KLHL26: variants seen among roughly 807,000 people sequenced by gnomAD.
KLHL26 encodes the protein kelch like family member 26, also known as kelch-like protein 26.
Under a neutral mutation model 7.1 loss-of-function variants are expected in KLHL26, and 4 were observed. The observed-to-expected ratio is 0.56, with a 90% confidence interval of 0.28 to 1.28. The LOEUF is 1.28. Among genes scored for constraint, KLHL26 ranks in the 50% most tolerant of loss-of-function variants. The pLI is 0.11. For synonymous variants in KLHL26, 465 were observed against 414.1 expected (o/e 1.12, Z -1.49); for missense variants, 896 against 924.6 (o/e 0.97, Z 0.40).
At chr19:18,665,073 T>C (rs80204164) in intron 2 of KLHL26, among the ~76,000 whole-genome samples, 2 of 151,258 alleles carry the variant, frequency 1.3e-5, no homozygotes, top group Admixed American at 6.6e-5. Flanking sequence ...TTTTTTTTTT[T>C]TGAGACAAAG....
At chr19:18,655,008 A>G (rs757445585) in intron 1 of KLHL26, among the ~76,000 whole-genome samples, 4 of 152,212 alleles carry the variant, frequency 2.6e-5, no homozygotes, top group African/African-American at 9.7e-5. Context: ...CCTTTCAGCC[A>G]TGGGGAGACA....
rs980495134 is a variant in KLHL26 at position 18,649,812 on chromosome 19, C to T, written c.83+12675C>T. Among the ~76,000 whole-genome samples, 1 of 152,212 alleles carries T rather than the reference C, an allele frequency of 6.6e-6. No individual in the cohort carries two copies. The highest frequency in any genetic ancestry group is 1.5e-5 in the Non-Finnish European group (1 of 68,042). ...TCCGGAGAGGGCCGCACAGAATTCA[C>T]AGGACTCGTCTCCAACGGCTGCGCC... On this transcript the variant is annotated intron_variant, in intron 1 of 2. Coordinates refer to ENST00000300976, the MANE Select transcript of KLHL26 (RefSeq NM_018316.3). The surrounding 1 kb of genome is among the most constrained non-coding windows in gnomAD (Gnocchi z 4.0).
At chr19:18,642,641 G>A (rs1305775672) in intron 1 of KLHL26, among the ~76,000 whole-genome samples, 2 of 152,030 alleles carry the variant, frequency 1.3e-5, no homozygotes, top group Non-Finnish European at 2.9e-5. Context: ...TGGGATTACA[G>A]GCGTGAGCCA....
rs2052467286 is a variant in KLHL26, at chr19:18,667,805, G to C, written c.408G>C (p.Val136=). 7 of 1,613,250 alleles carry C rather than the reference G, an allele frequency of 4.3e-6. No homozygotes were observed. Among genetic ancestry groups the C allele is most frequent in the African/African-American group, 1.3e-5 (1 of 74,952 alleles). ...TGGACCTGGACTGCGTGCAGGACGT[G>C]CTGGGCGCGGCCGTGTTCTTGCAGA... The part of the protein sequence containing the change: ...VTLDLDCVQD[V]LGAAVFLQML... Residue 136 remains valine, a synonymous_variant, in exon 3 of 3, where the codon GTG becomes GTC. Transcript: ENST00000300976.
chr19:18,667,957 TC>T lies in KLHL26; in HGVS notation c.561del (p.Phe187LeufsTer163). ...LASLRESVDA[F>X]TFRHFLQIAE... ...TCGCTGCGAGAGTCGGTGGATGCCT[TC>T]ACCTTCCGGCACTTCCTGCAGATCG... On this transcript the variant is annotated frameshift_variant, in exon 3 of 3. Coordinates refer to ENST00000300976, the MANE Select transcript of KLHL26 (RefSeq NM_018316.3). LOFTEE classifies it low-confidence loss of function (END_TRUNC). 1 of 1,609,450 alleles carries T rather than the reference TC, an allele frequency of 6.2e-7. No individual in the cohort carries two copies. The highest frequency in any genetic ancestry group is 8.5e-7 in the Non-Finnish European group (1 of 1,179,944).
rs2052242563 is a variant in KLHL26, at chr19:18,650,643, G to A, written c.83+13506G>A. 6.6e-6 allele frequency among the ~76,000 whole-genome samples: 1 copy of A among 152,172 alleles called. No homozygotes were observed. The highest frequency in any genetic ancestry group is 1.5e-5 in the Non-Finnish European group (1 of 68,036). On this transcript the variant is annotated intron_variant, in intron 1 of 2. Transcript: ENST00000300976. The surrounding 1 kb of genome is among the most constrained non-coding windows in gnomAD (Gnocchi z 4.2). ...GTCACTTGCACAGATGACGGGTGAT[G>A]TTTTCCTCGCCAAGGCTGATGGCAC...
chr19:18,667,722 G>C lies in KLHL26; in HGVS notation c.325G>C (p.Val109Leu), dbSNP rs763907448. ...CCAGGACGTCATCGAGCTGAAGGGC[G>C]TGTCGGCCCGTGGCCTGCGGCACAT... ...ASQDVIELKG[V>L]SARGLRHIID... Residue 109 changes from valine (V) to leucine (L), a missense_variant, in exon 3 of 3, where the codon GTG (valine) becomes CTG (leucine). By Grantham distance (32) the Val-to-Leu change is conservative (BLOSUM62 1). Coordinates refer to ENST00000300976, the MANE Select transcript of KLHL26 (RefSeq NM_018316.3). 8.1e-6 allele frequency: 13 copies of C among 1,613,140 alleles called. No homozygotes were observed. In the Admixed American group the frequency reaches 1.2e-4, roughly 14 times the overall value.
At chr19:18,664,591 T>G (rs1226199106) in intron 2 of KLHL26, 148 bp downstream of exon 2, 11 of 584,000 alleles carry the variant, frequency 1.9e-5, no homozygotes, top group Non-Finnish European at 2.8e-5. Context: ...CTGCTCTTTT[T>G]TTTTTTTTGA....
intron 1 of KLHL26, among the ~76,000 whole-genome samples, chr19:18,654,370 C>G (rs935441197): frequency 5.3e-5 from 8 of 150,828 alleles, no homozygotes; most frequent in African/African-American, 2.0e-4. Context: ...ACTCATCCAC[C>G]ATCTGCCCAC....
chr19:18,637,160 G>T, intron 1 of KLHL26, 23 bp downstream of exon 1: 2 of 1,300,406 alleles, frequency 1.5e-6, no homozygotes, highest in South Asian at 4.8e-5. Flanking sequence ...CCGCAGGATA[G>T]ACCTGCACCT....
chr19:18,668,743 G>A lies in KLHL26; in HGVS notation c.1346G>A (p.Arg449His), dbSNP rs1434350971. Residue 449 changes from arginine to histidine, a missense_variant, in exon 3 of 3, where the codon CGT becomes CAT. Arg to His is a conservative substitution (Grantham distance 29). Coordinates refer to ENST00000300976, the MANE Select transcript of KLHL26 (RefSeq NM_018316.3). ...GGCTACGCCTGCTCGCTGAAGCGCC[G>A]TACCTGGGGCCATGCTGGGGCCGCC... ...EWGYACSLKRRTWGHAGAASG... is the reference protein window; with the variant it reads ...EWGYACSLKRHTWGHAGAASG... 4 of 1,585,428 alleles carry A rather than the reference G, an allele frequency of 2.5e-6. No homozygotes were observed. The highest frequency in any genetic ancestry group is 3.4e-6 in the Non-Finnish European group (4 of 1,172,926).
intron 1 of KLHL26, among the ~76,000 whole-genome samples, chr19:18,640,905 C>T (rs1225889641): frequency 6.6e-6 from 1 of 152,150 alleles, no homozygotes; most frequent in African/African-American, 2.4e-5. Flanking sequence ...GCATCCCCAC[C>T]AGCAATGTTC....
Position 18,668,014 on chromosome 19 carries a change from TG to T in KLHL26, c.619del (p.Glu207SerfsTer143). ...AEEEDFLRLP[L>X]ERLVFFLQSN... is the part of the protein sequence containing the mutation. ...GAGGAGGATTTCCTGCGCCTGCCAC[TG>T]GAGCGCCTGGTCTTCTTCCTGCAGA... On this transcript the variant is annotated frameshift_variant, in exon 3 of 3. Coordinates refer to ENST00000300976, the MANE Select transcript of KLHL26 (RefSeq NM_018316.3). LOFTEE classifies it low-confidence loss of function (END_TRUNC). 1 of 1,608,948 alleles carries T rather than the reference TG, an allele frequency of 6.2e-7. No individual in the cohort carries two copies.
intron 1 of KLHL26, among the ~76,000 whole-genome samples, chr19:18,658,625 G>A (rs532826628): frequency 2.8e-4 from 39 of 139,404 alleles, no homozygotes; most frequent in Non-Finnish European, 5.2e-4. Flanking sequence ...CTGGGTCTCC[G>A]TCTCCCTGTC....
intron 1 of KLHL26, among the ~76,000 whole-genome samples, chr19:18,657,923 G>A (rs902784462): frequency 2.0e-5 from 3 of 152,156 alleles, no homozygotes; most frequent in Non-Finnish European, 4.4e-5. Flanking sequence ...ATGAGGTGCC[G>A]GAACCCAGCA....
intron 1 of KLHL26, among the ~76,000 whole-genome samples, chr19:18,640,021 TAAAC>T (rs761652447): frequency 2.0e-5 from 3 of 151,308 alleles, no homozygotes; most frequent in African/African-American, 7.3e-5. Flanking sequence ...GGAGTGAAAA[TAAAC>T]AAACTGTGTC....
intron 1 of KLHL26, 152 bp downstream of exon 1, chr19:18,637,289 T>G: frequency 2.4e-6 from 2 of 819,032 alleles, no homozygotes; most frequent in Non-Finnish European, 3.2e-6. Flanking sequence ...CGTGGGGTAC[T>G]GGAGGAGCCG....
chr19:18,652,687 A>G (rs908692255), intron 1 of KLHL26, among the ~76,000 whole-genome samples: 1 of 147,946 alleles, frequency 6.8e-6, no homozygotes, highest in Non-Finnish European at 1.5e-5. Flanking sequence ...CTCAAACCCC[A>G]CCTCCCTGGC....
At chr19:18,640,581 TG>T (rs1976696792) in intron 1 of KLHL26, among the ~76,000 whole-genome samples, 1 of 124,338 alleles carries the variant, frequency 8.0e-6, no homozygotes, top group African/African-American at 3.3e-5. Context: ...TTTTTTGAGA[TG>T]GAGTCTCTCT....
Sources: gnomAD v4.1 joint callset for allele counts (sites outside exome capture counted in the v4.1 genomes callset) on GRCh38, gnomAD v4.1.1 for gene constraint, Gnocchi (gnomAD v3.1) non-coding constraint, MANE v1.5 for transcripts, NCBI Gene and HGNC (gene_info 2026-07-23, HGNC 2026-07-21) for gene names.